The following PCDH19 variants were observed in gnomAD, a reference collection of about 807,000 sequenced individuals.
PCDH19 encodes the protein protocadherin 19.
In PCDH19, 6 loss-of-function variants were observed where a neutral mutation model predicts 46.2. That is an observed-to-expected ratio of 0.13 (90% CI 0.07 to 0.26). The LOEUF (loss-of-function observed/expected upper bound fraction) is 0.26. Ranked by LOEUF, PCDH19 falls within the 10% of genes least tolerant of loss-of-function variation. The pLI is 1.00. For synonymous variants in PCDH19, 481 were observed against 415.7 expected, an observed-to-expected ratio of 1.16 and a Z score of -1.91; for missense variants, 740 against 972.3, an observed-to-expected ratio of 0.76 and a Z score of 3.18.
chrX:100,399,910 T>A (rs925722041), intron 3 of PCDH19, among the ~76,000 whole-genome samples: 4 of 112,063 alleles, frequency 3.6e-5, no homozygotes, highest in African/African-American at 9.7e-5. Flanking sequence ...TGAAGCAATA[T>A]TTTGTTTCAT....
At chrX:100,338,521 CAAAAAAA>C (rs67274603) in intron 5 of PCDH19, among the ~76,000 whole-genome samples, 4 of 57,715 alleles carry the variant, frequency 6.9e-5, no homozygotes, top group Non-Finnish European at 9.5e-5. Flanking sequence ...GACTCTGTCT[CAAAAAAA>C]AAAAAAAAAA....
chrX:100,309,854 T>C (rs1925079418), intron 5 of PCDH19, among the ~76,000 whole-genome samples: 1 of 112,090 alleles, frequency 8.9e-6, no homozygotes, highest in Non-Finnish European at 1.9e-5. Context: ...TTCTGCAAAG[T>C]TTAGTTTTAG....
intron 1 of PCDH19, among the ~76,000 whole-genome samples, chrX:100,405,018 T>C (rs762877550): frequency 2.5e-4 from 28 of 112,392 alleles, no homozygotes; most frequent in African/African-American, 7.7e-4. Flanking sequence ...TTATGAGGCA[T>C]TGCAGCTGCT....
chrX:100,313,065 T>TAAG (rs1925181936), intron 5 of PCDH19, among the ~76,000 whole-genome samples: 2 of 111,527 alleles, frequency 1.8e-5, no homozygotes, highest in Non-Finnish European at 3.8e-5. Context: ...GCATTTTCAT[T>TAAG]CACAAATTAA....
Position 100,408,617 on chromosome X carries a change from T to C in PCDH19, c.-20A>G, listed in dbSNP as rs1166594277. ...CTCCATGGCTGCACGGGGCTCTGCC[T>C]GGCCTCGCCTCTCCACACCCCTCCG... On this transcript the variant is annotated 5_prime_UTR_variant, in exon 1 of 6. Transcript: ENST00000373034. 14 of 1,112,250 alleles carry C rather than the reference T, an allele frequency of 1.3e-5. No homozygotes were observed. The highest frequency in any genetic ancestry group is 1.7e-5 in the Non-Finnish European group (14 of 834,619). 91.7% of individuals were successfully genotyped at this position (1,112,250 alleles called of 1,213,427 possible). A position where few individuals can be genotyped will look rare whatever the true frequency, so the allele number is the denominator to read the frequency against.
intron 1 of PCDH19, 89 bp from the exon 2 acceptor site, chrX:100,403,753 G>T: frequency 1.2e-6 from 1 of 840,214 alleles, no homozygotes. Flanking sequence ...GGAACATAAA[G>T]AGCTCAATTT....
chrX:100,330,215 G>T (rs927675295), intron 5 of PCDH19, among the ~76,000 whole-genome samples: 3 of 112,178 alleles, frequency 2.7e-5, no homozygotes, highest in Non-Finnish European at 3.8e-5. Context: ...GGAACAGTTT[G>T]ACCAGCCTAA....
chrX:100,325,105 T>C (rs1303514645), intron 5 of PCDH19, among the ~76,000 whole-genome samples: 1 of 106,681 alleles, frequency 9.4e-6, no homozygotes, highest in African/African-American at 3.4e-5. Flanking sequence ...TTCACAATTA[T>C]ATTGTACTAA....
At chrX:100,346,613 T>C (rs752481815) in intron 4 of PCDH19, among the ~76,000 whole-genome samples, 1 of 112,227 alleles carries the variant, frequency 8.9e-6, no homozygotes, top group Admixed American at 9.5e-5. Flanking sequence ...TCCATTTCTC[T>C]CATGCATTCA....
At chrX:100,342,681 G>A (rs1055522777) in intron 4 of PCDH19, among the ~76,000 whole-genome samples, 1 of 112,310 alleles carries the variant, frequency 8.9e-6, no homozygotes, top group African/African-American at 3.2e-5. Flanking sequence ...TATGTACACT[G>A]ATTCTTAAAA....
chrX:100,376,047 A>G (rs1175045543), intron 3 of PCDH19, among the ~76,000 whole-genome samples: 1 of 109,766 alleles, frequency 9.1e-6, no homozygotes, highest in Non-Finnish European at 1.9e-5. Context: ...GACCAGCCTG[A>G]CCAACATGGG....
chrX:100,408,085 G>T lies in PCDH19; in HGVS notation c.513C>A (p.Asn171Lys). ...FGVQTYELTP[N>K]ELFGLEIKTR... ...TCTTGATCTCCAGGCCGAACAGCTC[G>T]TTGGGCGTGAGCTCGTAAGTCTGCA... Residue 171 changes from asparagine (N) to lysine (K), a missense_variant, in exon 1 of 6, where the codon AAC (asparagine) becomes AAA (lysine). This residue lies in a region of PCDH19 where 48 missense variants were observed against 43.2 expected (regional missense o/e 1.11). Coordinates refer to ENST00000373034, the MANE Select transcript of PCDH19 (RefSeq NM_001184880.2). The T allele has an allele frequency of 8.3e-7, 1 of 1,210,091 alleles. No homozygotes were observed. Among genetic ancestry groups the T allele is most frequent in the South Asian group, 1.8e-5 (1 of 57,022 alleles).
chrX:100,338,366 A>T (rs12848878), intron 5 of PCDH19, among the ~76,000 whole-genome samples: 2 of 89,813 alleles, frequency 2.2e-5, no homozygotes, highest in Non-Finnish European at 4.4e-5. Context: ...AAAAAAAAAT[A>T]CAAAAATTAG....
intron 3 of PCDH19, among the ~76,000 whole-genome samples, chrX:100,359,013 A>C (rs1276532524): frequency 8.9e-6 from 1 of 112,014 alleles, no homozygotes; most frequent in Non-Finnish European, 1.9e-5. Flanking sequence ...AGTGCCTTTC[A>C]TCCCCAAATA....
chrX:100,351,723 G>A (rs1926576131), intron 3 of PCDH19, among the ~76,000 whole-genome samples: 1 of 112,287 alleles, frequency 8.9e-6, no homozygotes, highest in African/African-American at 3.2e-5. Flanking sequence ...GGGAGTGTTT[G>A]GAAAAGGAAA....
chrX:100,376,160 A>C (rs1927371638), intron 3 of PCDH19, among the ~76,000 whole-genome samples: 1 of 104,711 alleles, frequency 9.6e-6, no homozygotes, highest in African/African-American at 3.5e-5. Context: ...GCTTGAACCC[A>C]GGAGGTGGAG....
chrX:100,399,884 G>T (rs1246093615), intron 3 of PCDH19, among the ~76,000 whole-genome samples: 1 of 111,945 alleles, frequency 8.9e-6, no homozygotes, highest in African/African-American at 3.2e-5. Context: ...GATTTTAAAC[G>T]GCTTTTCTAA....
At chrX:100,364,104 G>A (rs933537521) in intron 3 of PCDH19, among the ~76,000 whole-genome samples, 5 of 110,926 alleles carry the variant, frequency 4.5e-5, no homozygotes, top group African/African-American at 1.6e-4. Context: ...GGGAGTGAGG[G>A]AACCTCATGC....
chrX:100,345,338 ATGTG>A (rs370680624), intron 4 of PCDH19, among the ~76,000 whole-genome samples: 1 of 111,613 alleles, frequency 9.0e-6, no homozygotes, highest in African/African-American at 3.3e-5. Flanking sequence ...ACACACTATT[ATGTG>A]TGTGTGTGTT....
Sources: allele counts gnomAD v4.1 joint callset (sites outside exome capture counted in the v4.1 genomes callset), GRCh38; gene constraint gnomAD v4.1.1; regional missense constraint gnomAD v4.1.1; transcripts MANE v1.5; gene names NCBI Gene and HGNC (gene_info 2026-07-23, HGNC 2026-07-21).